Variants in IFT74 observed in about 807,000 individuals in gnomAD.
IFT74 encodes the protein intraflagellar transport protein 74 homolog.
A neutral mutation model predicts 96.7 loss-of-function variants in IFT74; 92 were observed. That is an observed-to-expected ratio of 0.95 (90% CI 0.80 to 1.13). IFT74 has a LOEUF of 1.13. IFT74 is among the 50% of genes most tolerant of loss of function. The pLI is 0.00. For missense variants in IFT74, 811 were observed against 698.2 expected, an observed-to-expected ratio of 1.16 and a Z score of -1.82; for synonymous variants, 223 against 213.2, an observed-to-expected ratio of 1.05 and a Z score of -0.40.
At chr9:26,976,860 A>G (rs149814599) in intron 2 of IFT74, 71 of 444,258 alleles carry the variant, frequency 1.6e-4, no homozygotes, top group African/African-American at 1.4e-3. Context: ...TGGATTTTGC[A>G]TACCTGAAGT....
Position 27,048,180 on chromosome 9 carries a change from C to G in IFT74, c.1239C>G (p.Ile413Met). Residue 413 changes from isoleucine to methionine, a missense_variant, in exon 16 of 20, where the codon ATC (isoleucine) becomes ATG (methionine). Coordinates refer to ENST00000380062, the MANE Select transcript of IFT74 (RefSeq NM_025103.4). ...NINRIEQISS[I>M]TNQELKMMQD... Reference sequence around the variant, plus strand: ...ATCGTATAGAACAGATATCCTCTATCACCAATCAAGAGCTAAAGATGATGC... The same window carrying G: ...ATCGTATAGAACAGATATCCTCTATGACCAATCAAGAGCTAAAGATGATGC... 1 of 1,600,226 alleles carries G rather than the reference C, an allele frequency of 6.2e-7. No individual in the cohort carries two copies. Among genetic ancestry groups the G allele is most frequent in the Non-Finnish European group, 8.6e-7 (1 of 1,169,422 alleles).
At chr9:26,955,348 C>T (rs1826047110), upstream of IFT74, among the ~76,000 whole-genome samples, 2 of 152,122 alleles carry the variant, frequency 1.3e-5, no homozygotes, top group East Asian at 1.9e-4. Flanking sequence ...CGGCTGTCAC[C>T]CTTACTTCAA....
intron 2 of IFT74, among the ~76,000 whole-genome samples, chr9:26,969,889 C>A (rs1392341454): frequency 6.6e-6 from 1 of 152,014 alleles, no homozygotes; most frequent in Non-Finnish European, 1.5e-5. Context: ...CCTGGAAATA[C>A]TTTATTTCTC....
intron 3 of IFT74, among the ~76,000 whole-genome samples, chr9:26,979,068 A>C (rs912857988): frequency 2.6e-5 from 4 of 152,116 alleles, no homozygotes; most frequent in Non-Finnish European, 4.4e-5. Context: ...TCAGGAATGA[A>C]GATATACTGC....
intron 19 of IFT74, among the ~76,000 whole-genome samples, chr9:27,062,345 T>G (rs149180387): frequency 2.0e-5 from 3 of 152,288 alleles, no homozygotes; most frequent in Admixed American, 1.3e-4. Context: ...GAACGTTAGA[T>G]TGTTCTAAGA....
At chr9:27,036,418 A>G (rs917095597) in intron 13 of IFT74, 17 of 1,609,852 alleles carry the variant, frequency 1.1e-5, no homozygotes, top group Middle Eastern at 1.7e-4. Context: ...AATATAGTCA[A>G]TTCTTTGTAC....
intron 12 of IFT74, among the ~76,000 whole-genome samples, chr9:27,025,385 G>A (rs1441910849): frequency 4.8e-5 from 7 of 145,344 alleles, no homozygotes; most frequent in Admixed American, 1.4e-4. Context: ...GGAGGTTGCA[G>A]TGAGCTAAGA....
intron 18 of IFT74, 33 bp downstream of exon 18, chr9:27,056,492 C>A (rs200791951): frequency 6.4e-7 from 1 of 1,551,508 alleles, no homozygotes; most frequent in East Asian, 2.3e-5. Flanking sequence ...TTGAAATTGT[C>A]TTAGTCTATA....
At chr9:26,953,305 C>A (rs1209180019), upstream of IFT74, among the ~76,000 whole-genome samples, 1 of 152,046 alleles carries the variant, frequency 6.6e-6, no homozygotes, top group Non-Finnish European at 1.5e-5. Flanking sequence ...TTATAGATGG[C>A]CAAATTTTAT....
intron 4 of IFT74, among the ~76,000 whole-genome samples, chr9:26,982,575 C>T (rs1827434162): frequency 1.3e-5 from 2 of 151,652 alleles, no homozygotes. Context: ...CCTGCCTCAG[C>T]CTCCCGAGTA....
At chr9:26,977,537 A>G (rs1342004949) in intron 2 of IFT74, among the ~76,000 whole-genome samples, 4 of 152,170 alleles carry the variant, frequency 2.6e-5, no homozygotes, top group Non-Finnish European at 5.9e-5. Flanking sequence ...CGCCCAAGCT[A>G]GAGTGCAGTG....
chr9:26,981,420 G>A (rs1827369463), intron 4 of IFT74, among the ~76,000 whole-genome samples: 1 of 149,726 alleles, frequency 6.7e-6, no homozygotes, highest in South Asian at 2.1e-4. Flanking sequence ...TGGCCTCATA[G>A]CATTTTTTTT....
At chr9:26,978,932 G>A (rs1208413671) in intron 3 of IFT74, among the ~76,000 whole-genome samples, 1 of 152,064 alleles carries the variant, frequency 6.6e-6, no homozygotes, top group African/African-American at 2.4e-5. Flanking sequence ...ATTTAGATCT[G>A]TGGTATATAT....
chr9:27,029,111 T>C lies in IFT74; in HGVS notation c.1054+7T>C. ...GATTTAGAGGAACACCAAGGTATGCTTCTGGTATTTTTATAATGTAGATTA... is the reference window on the plus strand; with the variant it reads ...GATTTAGAGGAACACCAAGGTATGCCTCTGGTATTTTTATAATGTAGATTA... On this transcript the variant is annotated splice_region_variant and intron_variant, in intron 13 of 19. Coordinates refer to ENST00000380062, the MANE Select transcript of IFT74 (RefSeq NM_025103.4). 1 of 1,586,284 alleles carries C rather than the reference T, an allele frequency of 6.3e-7. No individual in the cohort carries two copies. Among genetic ancestry groups the C allele is most frequent in the Non-Finnish European group, 8.6e-7 (1 of 1,163,446 alleles).
At chr9:27,003,988 A>G (rs766453384) in intron 8 of IFT74, among the ~76,000 whole-genome samples, 6 of 152,218 alleles carry the variant, frequency 3.9e-5, no homozygotes, top group African/African-American at 7.2e-5. Flanking sequence ...AGTAGGCTGC[A>G]GAGGTGACTG....
chr9:26,958,431 A>G (rs1422514548), intron 1 of IFT74, among the ~76,000 whole-genome samples: 2 of 152,214 alleles, frequency 1.3e-5, no homozygotes, highest in Non-Finnish European at 2.9e-5. Flanking sequence ...AGGCTGGTAT[A>G]ATAGTCCACC....
chr9:26,999,770 C>CTTTTTTTTTT (rs1179000269), intron 8 of IFT74: 153 of 340,130 alleles, frequency 4.5e-4, no homozygotes, highest in East Asian at 1.6e-3. Flanking sequence ...TCTGTTTATT[C>CTTTTTTTTTT]TTTTTTTTTT....
At chr9:26,950,310 CAAAA>C (rs768360968) in intron 1 of IFT74, among the ~76,000 whole-genome samples, 1 of 124,426 alleles carries the variant, frequency 8.0e-6, no homozygotes, top group Non-Finnish European at 1.7e-5. Flanking sequence ...GACTCTGTCT[CAAAA>C]AAAAAAAAAG....
intron 2 of IFT74, among the ~76,000 whole-genome samples, chr9:26,963,110 C>T (rs897270062): frequency 6.6e-6 from 1 of 152,088 alleles, no homozygotes; most frequent in African/African-American, 2.4e-5. Flanking sequence ...CCTCCTCTCT[C>T]CCCGCACCCC....
Sources: gnomAD v4.1 joint callset for allele counts (sites outside exome capture counted in the v4.1 genomes callset) on GRCh38, gnomAD v4.1.1 for gene constraint, MANE v1.5 for transcripts, NCBI Gene and HGNC (gene_info 2026-07-23, HGNC 2026-07-21) for gene names.